The following RAD52 variants were observed in gnomAD, a reference collection of about 807,000 sequenced individuals.
RAD52 encodes DNA repair protein RAD52 homolog.
In RAD52, 47 loss-of-function variants were observed where a neutral mutation model predicts 55.5. That is an observed-to-expected ratio of 0.85 (90% CI 0.67 to 1.08). The LOEUF (loss-of-function observed/expected upper bound fraction) is 1.08. Among genes scored for constraint, RAD52 ranks in the 50% least tolerant of loss-of-function variants. RAD52 has a pLI of 0.00. For synonymous variants in RAD52, 184 were observed against 198.9 expected, an observed-to-expected ratio of 0.92 and a Z score of 0.63; for missense variants, 468 against 522.8, an observed-to-expected ratio of 0.90 and a Z score of 1.02.
upstream of RAD52, among the ~76,000 whole-genome samples, chr12:952,489 C>A (rs1021705510): frequency 1.3e-5 from 2 of 152,068 alleles, no homozygotes; most frequent in Non-Finnish European, 2.9e-5. Context: ...ATTATAACCT[C>A]CAGTACTTGT....
chr12:930,745 T>A (rs772224866), intron 3 of RAD52, among the ~76,000 whole-genome samples: 3 of 151,618 alleles, frequency 2.0e-5, no homozygotes, highest in Non-Finnish European at 2.9e-5. Flanking sequence ...GGTGGGAGGA[T>A]CACTTGAGCC....
chr12:961,159 A>T (rs1419599285), intron 1 of RAD52, among the ~76,000 whole-genome samples: 3 of 151,732 alleles, frequency 2.0e-5, no homozygotes, highest in East Asian at 1.9e-4. Context: ...AAAGTACAAA[A>T]ATTAGCTGGG....
chr12:986,398 C>G (rs750183870), intron 1 of RAD52, among the ~76,000 whole-genome samples: 2 of 151,828 alleles, frequency 1.3e-5, no homozygotes, highest in Non-Finnish European at 2.9e-5. Context: ...AGGGTCTCAC[C>G]CTGTTGCCCA....
In RAD52 at chr12:933,037, T is replaced by C. The variant is rs755363849; in HGVS notation, c.22A>G (p.Ile8Val). The C allele has an allele frequency of 6.2e-7, 1 of 1,613,764 alleles. No homozygotes were observed. The highest frequency in any genetic ancestry group is 1.3e-5 in the African/African-American group (1 of 74,912). The change falls in exon 2 of 12, where the codon ATT becomes GTT. Residue 8 changes from isoleucine (I) to valine (V), a missense_variant. By Grantham distance (29) the Ile-to-Val change is conservative. Coordinates refer to ENST00000358495, the MANE Select transcript of RAD52 (RefSeq NM_134424.4). ...GGATGGCTGTCACGTCCTCCAAGAA[T>C]TGCTTCCTCAGTCCCAGACATCTTG... MSGTEEAILGGRDSHPAA... is the reference protein window; with the variant it reads MSGTEEAVLGGRDSHPAA...
At chr12:970,962 T>C (rs1958841671) in intron 1 of RAD52, among the ~76,000 whole-genome samples, 1 of 152,216 alleles carries the variant, frequency 6.6e-6, no homozygotes, top group Non-Finnish European at 1.5e-5. Flanking sequence ...TTGTGTTATA[T>C]AGTAGCTGTT....
intron 1 of RAD52, among the ~76,000 whole-genome samples, chr12:988,606 T>C (rs975460434): frequency 6.6e-6 from 1 of 152,172 alleles, no homozygotes; most frequent in Admixed American, 6.6e-5. Context: ...TAGCATCTGC[T>C]CAGTTCTGGT....
At chr12:949,572 C>G (rs3748523) in intron 1 of RAD52, 30 bp downstream of exon 1, 18,594 of 152,440 alleles carry the variant, frequency 0.12, 1,222 homozygotes, top group South Asian at 0.16. Context: ...AGAACCACCC[C>G]GGGGGAAGCC....
intron 1 of RAD52, among the ~76,000 whole-genome samples, chr12:959,963 T>C (rs1023678074): frequency 8.2e-4 from 125 of 152,092 alleles, no homozygotes; most frequent in African/African-American, 2.9e-3. Context: ...AATACAAAGG[T>C]CCAGAGGTGG....
chr12:922,537 C>A (rs1956796775), intron 7 of RAD52, among the ~76,000 whole-genome samples: 3 of 152,136 alleles, frequency 2.0e-5, no homozygotes, highest in Admixed American at 6.5e-5. Context: ...ACAGAATATT[C>A]AGCCACAAAA....
At chr12:982,934 C>T (rs975564259) in intron 1 of RAD52, among the ~76,000 whole-genome samples, 17 of 152,100 alleles carry the variant, frequency 1.1e-4, no homozygotes, top group Non-Finnish European at 2.9e-5. Flanking sequence ...ACTGCAACCT[C>T]CACCTCCCGG....
At chr12:968,973 T>A (rs534551514) in intron 1 of RAD52, among the ~76,000 whole-genome samples, 1 of 152,204 alleles carries the variant, frequency 6.6e-6, no homozygotes, top group South Asian at 2.1e-4. Flanking sequence ...TTCAACCAAC[T>A]GGAGATAAAA....
At chr12:948,030 G>C (rs944550894) in intron 1 of RAD52, among the ~76,000 whole-genome samples, 2 of 151,346 alleles carry the variant, frequency 1.3e-5, no homozygotes, top group African/African-American at 4.9e-5. Context: ...TGCGAGTTCT[G>C]TGGAGGACTA....
chr12:976,736 T>C (rs79455603), intron 1 of RAD52: 2 of 152,312 alleles, frequency 1.3e-5, no homozygotes, highest in African/African-American at 4.8e-5. Flanking sequence ...AATTGTAAGC[T>C]ACGATAAAAT....
intron 1 of RAD52, among the ~76,000 whole-genome samples, chr12:964,330 G>A (rs1420908691): frequency 6.6e-6 from 1 of 152,140 alleles, no homozygotes. Context: ...CACTTTGGGA[G>A]GCCGAGTCAG....
Position 912,631 on chromosome 12 carries a change from G to A in RAD52, c.*760C>T, listed in dbSNP as rs576386310. 1 of 173,810 alleles carries A rather than the reference G, an allele frequency of 5.8e-6. No homozygotes were observed. Among genetic ancestry groups the A allele is most frequent in the African/African-American group, 2.4e-5 (1 of 41,640 alleles). The allele number at this position is 173,810 out of a possible 1,614,324, so 10.8% of individuals were successfully genotyped here. A position where few individuals can be genotyped will look rare whatever the true frequency, so the allele number is the denominator to read the frequency against. On this transcript the variant is annotated 3_prime_UTR_variant, in exon 12 of 12. Transcript: ENST00000358495. ...AATCCCTGTATTTTGTAAGGCAGAG[G>A]TGGGAGTATCACTTGGGCCCAAGAG...
intron 1 of RAD52, chr12:974,296 G>A (rs1244816621): frequency 6.6e-6 from 1 of 152,126 alleles, no homozygotes; most frequent in Non-Finnish European, 1.5e-5. Flanking sequence ...CCATTTCTTG[G>A]CCTGAGGACT....
At chr12:926,638 G>A in intron 6 of RAD52, among the ~76,000 whole-genome samples, 1 of 152,140 alleles carries the variant, frequency 6.6e-6, no homozygotes, top group East Asian at 1.9e-4. Flanking sequence ...CAGCAGAAGT[G>A]GATGCTGGCA....
intron 1 of RAD52, among the ~76,000 whole-genome samples, chr12:956,680 G>A (rs560066634): frequency 3.3e-5 from 5 of 152,216 alleles, no homozygotes; most frequent in Non-Finnish European, 7.4e-5. Flanking sequence ...CCAAGTAGCT[G>A]GGATTATAGG....
intron 1 of RAD52, among the ~76,000 whole-genome samples, chr12:962,464 C>T (rs538721064): frequency 3.3e-5 from 5 of 151,044 alleles, no homozygotes; most frequent in African/African-American, 4.9e-5. Context: ...CTCAGCCTCC[C>T]GAGTAGCTGG....
Sources: allele counts gnomAD v4.1 joint callset (sites outside exome capture counted in the v4.1 genomes callset), GRCh38; gene constraint gnomAD v4.1.1; transcripts MANE v1.5; gene names NCBI Gene and HGNC (gene_info 2026-07-23, HGNC 2026-07-21).